Variants in CAMSAP2 observed in about 807,000 individuals in gnomAD.
The protein encoded by CAMSAP2 is calmodulin-regulated spectrin-associated protein 2.
A neutral mutation model predicts 146.1 loss-of-function variants in CAMSAP2; 26 were observed. That is an observed-to-expected ratio of 0.18 (90% CI 0.13 to 0.25). The LOEUF (loss-of-function observed/expected upper bound fraction) is 0.25, where lower values mean the gene tolerates loss of function less well. CAMSAP2 is among the 10% of genes least tolerant of loss of function. The pLI is 1.00. For synonymous variants in CAMSAP2, 499 were observed against 596.6 expected, an observed-to-expected ratio of 0.84 and a Z score of 2.38; for missense variants, 1,381 against 1,759.3, an observed-to-expected ratio of 0.78 and a Z score of 3.85.
chr1:200,831,358 G>A (rs6697430), intron 4 of CAMSAP2, among the ~76,000 whole-genome samples: 3 of 151,972 alleles, frequency 2.0e-5, no homozygotes, highest in African/African-American at 7.3e-5. Flanking sequence ...CTATTATTAC[G>A]CCAGTTTACA....
In CAMSAP2 at chr1:200,853,909, A is replaced by C. The variant is rs1263594564; in HGVS notation, c.3823+414A>C. ...CCTCCTTCAAGATAGAAATGGTTGA[A>C]AATCCAAACTTATAATATCTGGAGT... On this transcript the variant is annotated intron_variant, in intron 13 of 16. Coordinates refer to ENST00000358823, the MANE Select transcript of CAMSAP2 (RefSeq NM_203459.4). This position sits in a 1 kb window ranked among gnomAD's most constrained non-coding sequence, Gnocchi z 5.1. Among the ~76,000 whole-genome samples, 1 of 152,240 alleles carries C rather than the reference A, an allele frequency of 6.6e-6. No individual in the cohort carries two copies. The highest frequency in any genetic ancestry group is 2.4e-5 in the African/African-American group (1 of 41,454).
At chr1:200,768,609 C>T (rs984757192) in intron 2 of CAMSAP2, among the ~76,000 whole-genome samples, 3 of 152,030 alleles carry the variant, frequency 2.0e-5, no homozygotes, top group Admixed American at 6.5e-5. Context: ...AACTAAGGTG[C>T]AGGCCATGAA....
At chr1:200,852,710 G>A in intron 12 of CAMSAP2, 33 bp downstream of exon 12, 3 of 1,588,908 alleles carry the variant, frequency 1.9e-6, no homozygotes, top group Non-Finnish European at 2.6e-6. Context: ...TGCTAGATCT[G>A]AACTTTAATG....
Position 200,832,977 on chromosome 1 carries a change from C to T in CAMSAP2, c.927+132C>T, listed in dbSNP as rs1275170865. ...TTGGGAGGACAAGGTGGGAGGATTG[C>T]TTAAGCCTGGGAGGTTGAGGCTTCA... On this transcript the variant is annotated intron_variant, in intron 6 of 16. Transcript: ENST00000358823. This position sits in a 1 kb window ranked among gnomAD's most constrained non-coding sequence, Gnocchi z 4.2. The T allele has an allele frequency of 1.4e-5, 10 of 737,440 alleles. No individual in the cohort carries two copies. In the Admixed American group the frequency reaches 3.7e-4, roughly 27 times the overall value. The allele number at this position is 737,440 out of a possible 1,614,324, so 45.7% of individuals were successfully genotyped here.
At chr1:200,803,094 A>G (rs982965162) in intron 2 of CAMSAP2, among the ~76,000 whole-genome samples, 27 of 152,186 alleles carry the variant, frequency 1.8e-4, no homozygotes, top group African/African-American at 6.5e-4. Context: ...GTTGCAATGT[A>G]CACTGCTGTT....
At chr1:200,850,818 A>G (rs1667600397) in intron 11 of CAMSAP2, among the ~76,000 whole-genome samples, 1 of 152,194 alleles carries the variant, frequency 6.6e-6, no homozygotes, top group South Asian at 2.1e-4. Flanking sequence ...TCCAGTCTTC[A>G]TACTGCTACT....
intron 1 of CAMSAP2, among the ~76,000 whole-genome samples, chr1:200,741,434 TTTAAC>T (rs1664171281): frequency 6.6e-6 from 1 of 152,344 alleles, no homozygotes; most frequent in South Asian, 2.1e-4. Flanking sequence ...GTATTTTGGT[TTTAAC>T]TTAAGCAGCA....
At chr1:200,805,058 G>A (rs58755274) in intron 2 of CAMSAP2, among the ~76,000 whole-genome samples, 425 of 152,116 alleles carry the variant, frequency 2.8e-3, no homozygotes, top group African/African-American at 9.4e-3. Context: ...TTTATCTATT[G>A]TCTCCAGGCT....
chr1:200,857,260 A>G lies in CAMSAP2; in HGVS notation c.4013-46A>G. 8.2e-7 allele frequency: 1 copy of G among 1,225,920 alleles called. No homozygotes were observed. The highest frequency in any genetic ancestry group is 1.2e-6 in the Non-Finnish European group (1 of 833,942). 75.9% of individuals were successfully genotyped at this position (1,225,920 alleles called of 1,614,324 possible). ...TCATTTTAAAATAGTAGTATTTCTG[A>G]CTTAGGAATGTTATTTTTATTATTG... On this transcript the variant is annotated intron_variant, in intron 15 of 16. Transcript: ENST00000358823. The surrounding 1 kb of genome is among the most constrained non-coding windows in gnomAD (Gnocchi z 4.7).
intron 2 of CAMSAP2, among the ~76,000 whole-genome samples, chr1:200,787,283 G>A (rs926558174): frequency 9.9e-5 from 15 of 152,106 alleles, no homozygotes; most frequent in Admixed American, 2.6e-4. Context: ...TTCTGAAAAG[G>A]ATTTACCAAT....
Position 200,750,658 on chromosome 1 carries a change from CT to C in CAMSAP2, c.140-10179del, listed in dbSNP as rs540314650. Among the ~76,000 whole-genome samples the C allele has an allele frequency of 3.5e-3, 509 of 145,318 alleles. 1 individual carries two copies. The highest frequency in any genetic ancestry group is 5.6e-3 in the Non-Finnish European group (373 of 66,978). On this transcript the variant is annotated intron_variant, in intron 1 of 16. Transcript: ENST00000358823. ...TTTTTTTTTGAGACAGAGTTTCGCT[CT>C]TGTTGCCCAGGTTGGAGTGCAATGG... is the stretch of plus-strand genomic sequence containing the variant.
chr1:200,825,507 T>TC (rs1414525039), intron 4 of CAMSAP2, among the ~76,000 whole-genome samples: 1 of 150,972 alleles, frequency 6.6e-6, no homozygotes, highest in Non-Finnish European at 1.5e-5. Flanking sequence ...CTTTCTTTCT[T>TC]CCTTTTTTTT....
At chr1:200,751,466 C>T (rs537161736) in intron 1 of CAMSAP2, among the ~76,000 whole-genome samples, 6 of 126,668 alleles carry the variant, frequency 4.7e-5, no homozygotes, top group South Asian at 5.5e-4. Context: ...AATCAGGAGG[C>T]GGAGGTTGCA....
At position 200,839,168 on chromosome 1, in the gene CAMSAP2, A is replaced by G. The variant is rs1392439820; in HGVS notation, c.928-2826A>G. 4.6e-5 allele frequency among the ~76,000 whole-genome samples: 7 copies of G among 152,226 alleles called. No individual in the cohort carries two copies. In the East Asian group the frequency reaches 1.3e-3, roughly 29 times the overall value. ...GTTTCAAAGAGGGGCGAGATCAGGA[A>G]TATCAAATGCAGCTGAGAGGTCAAG... On this transcript the variant is annotated intron_variant, in intron 6 of 16. Transcript: ENST00000358823.
chr1:200,744,133 C>T (rs534523378), intron 1 of CAMSAP2, among the ~76,000 whole-genome samples: 1 of 152,090 alleles, frequency 6.6e-6, no homozygotes, highest in Non-Finnish European at 1.5e-5. Flanking sequence ...AGGAACTCTT[C>T]CAGAGTTACC....
chr1:200,834,642 G>A (rs1464884674), intron 6 of CAMSAP2, among the ~76,000 whole-genome samples: 4 of 152,076 alleles, frequency 2.6e-5, no homozygotes, highest in Admixed American at 1.3e-4. Context: ...GGCCTGGTGC[G>A]GTGGCTCATG....
chr1:200,818,901 A>G (rs189255964), intron 4 of CAMSAP2, among the ~76,000 whole-genome samples: 12 of 152,326 alleles, frequency 7.9e-5, no homozygotes, highest in Admixed American at 7.2e-4. Flanking sequence ...AGGCGTACTC[A>G]GGAGCCTAGC....
intron 2 of CAMSAP2, among the ~76,000 whole-genome samples, chr1:200,767,761 A>T (rs1362671792): frequency 1.3e-5 from 2 of 152,188 alleles, no homozygotes; most frequent in African/African-American, 4.8e-5. Flanking sequence ...GTTGTTGAAC[A>T]GGGTTTTCTT....
intron 2 of CAMSAP2, among the ~76,000 whole-genome samples, chr1:200,781,624 C>A (rs1226160817): frequency 6.6e-6 from 1 of 152,062 alleles, no homozygotes; most frequent in Admixed American, 6.6e-5. Context: ...TCACTGTATC[C>A]TCAACCTCCC....
Sources: allele counts gnomAD v4.1 joint callset (sites outside exome capture counted in the v4.1 genomes callset), GRCh38; gene constraint gnomAD v4.1.1; non-coding constraint Gnocchi (gnomAD v3.1); transcripts MANE v1.5; gene names NCBI Gene and HGNC (gene_info 2026-07-23, HGNC 2026-07-21).